Variants in MTCL3 observed in about 807,000 individuals in gnomAD.
MTCL3 encodes MTCL family member 3.
At chr6:127,490,635 G>T in the MTCL3 span, among the ~76,000 whole-genome samples, 1 of 151,874 alleles carries the variant, frequency 6.6e-6, no homozygotes, top group South Asian at 2.1e-4. Flanking sequence ...TGGCCAACAC[G>T]GTGAAACTCC....
the MTCL3 span, chr6:127,516,046 G>C: frequency 1.6e-4 from 245 of 1,550,256 alleles, no homozygotes; most frequent in Non-Finnish European, 2.1e-4. Context: ...GGGCGGCGGC[G>C]GCTGCGGAGC....
chr6:127,480,103 G>A, the MTCL3 span, among the ~76,000 whole-genome samples: 2 of 152,086 alleles, frequency 1.3e-5, no homozygotes, highest in East Asian at 3.9e-4. Flanking sequence ...TGTGAAGAGG[G>A]GAACATAAAG....
chr6:127,474,172 C>T, the MTCL3 span, among the ~76,000 whole-genome samples: 5 of 150,194 alleles, frequency 3.3e-5, no homozygotes, highest in Admixed American at 6.6e-5. Context: ...AAAAAAGTGG[C>T]TTTCATTTGT....
the MTCL3 span, among the ~76,000 whole-genome samples, chr6:127,483,798 A>C: frequency 2.6e-5 from 4 of 152,202 alleles, no homozygotes; most frequent in Non-Finnish European, 5.9e-5. Context: ...CTCTGTATGT[A>C]AACAATAATT....
the MTCL3 span, among the ~76,000 whole-genome samples, chr6:127,501,146 A>G: frequency 2.6e-5 from 4 of 152,242 alleles, no homozygotes; most frequent in African/African-American, 7.2e-5. Flanking sequence ...GATTTTGGCA[A>G]TTGGGAAAAC....
chr6:127,516,011 G>A, the MTCL3 span: 2 of 1,591,080 alleles, frequency 1.3e-6, no homozygotes, highest in South Asian at 1.1e-5. Context: ...TGCTGAGCGC[G>A]TACGCCTTTC....
the MTCL3 span, chr6:127,516,230 CG>C: frequency 1.4e-6 from 2 of 1,433,216 alleles, no homozygotes; most frequent in Non-Finnish European, 1.8e-6. Context: ...AGGGTCGCGG[CG>C]GGGGCCGCTT....
the MTCL3 span, chr6:127,516,813 A>C: frequency 2.2e-6 from 2 of 914,730 alleles, no homozygotes; most frequent in Admixed American, 3.0e-5. Context: ...GACTTTAGGA[A>C]TAGGATGCAG....
At chr6:127,516,207 G>T in the MTCL3 span, 55 of 1,432,296 alleles carry the variant, frequency 3.8e-5, no homozygotes, top group Admixed American at 5.9e-5. Context: ...GCCTCCTGCC[G>T]CCCAAAGCGG....
At chr6:127,516,582 A>G in the MTCL3 span, 1 of 1,597,512 alleles carries the variant, frequency 6.3e-7, no homozygotes, top group East Asian at 2.2e-5. Context: ...CTGCTGTGGC[A>G]GGGGCAGCGC....
chr6:127,484,639 G>A, the MTCL3 span, among the ~76,000 whole-genome samples: 1 of 152,106 alleles, frequency 6.6e-6, no homozygotes, highest in Non-Finnish European at 1.5e-5. Flanking sequence ...TAACATACCT[G>A]TGACACAATA....
At chr6:127,481,683 A>T in the MTCL3 span, among the ~76,000 whole-genome samples, 4 of 152,166 alleles carry the variant, frequency 2.6e-5, no homozygotes, top group African/African-American at 9.7e-5. Flanking sequence ...ATTCCAACTG[A>T]CATAGTTTAA....
At chr6:127,510,230 T>A in the MTCL3 span, among the ~76,000 whole-genome samples, 1 of 152,206 alleles carries the variant, frequency 6.6e-6, no homozygotes, top group Non-Finnish European at 1.5e-5. Context: ...TGACATTTGG[T>A]TTTTTGTAAC....
the MTCL3 span, chr6:127,473,243 A>G: frequency 6.8e-7 from 1 of 1,468,926 alleles, no homozygotes. Flanking sequence ...AAATAAACAA[A>G]CTGAAAATAC....
the MTCL3 span, chr6:127,518,519 C>T: frequency 2.0e-5 from 3 of 152,266 alleles, no homozygotes; most frequent in Non-Finnish European, 4.4e-5. Flanking sequence ...AAGTTTTATC[C>T]GCCTGCTAAC....
chr6:127,515,589 G>A, the MTCL3 span: 3 of 1,434,034 alleles, frequency 2.1e-6, no homozygotes, highest in Admixed American at 6.5e-5. The surrounding 1 kb of genome is among the most constrained non-coding windows in gnomAD (Gnocchi z 4.3). Context: ...GCTGCTGCGG[G>A]TGCGGCTGCG....
the MTCL3 span, among the ~76,000 whole-genome samples, chr6:127,489,669 C>T: frequency 1.3e-5 from 2 of 152,368 alleles, no homozygotes; most frequent in South Asian, 4.1e-4. Context: ...CACAACATCC[C>T]CTTAAGCCAA....
the MTCL3 span, chr6:127,516,473 T>A: frequency 6.3e-7 from 1 of 1,599,730 alleles, no homozygotes; most frequent in Admixed American, 1.7e-5. Flanking sequence ...CGCAGCGAAC[T>A]GTCCCTCGGT....
the MTCL3 span, among the ~76,000 whole-genome samples, chr6:127,473,684 T>C: frequency 1.3e-5 from 2 of 152,210 alleles, no homozygotes; most frequent in South Asian, 2.1e-4. Flanking sequence ...AAATAAGCGA[T>C]AGGGCTGCAA....
Sources: allele counts gnomAD v4.1 joint callset (sites outside exome capture counted in the v4.1 genomes callset), GRCh38; gene constraint gnomAD v4.1.1; non-coding constraint Gnocchi (gnomAD v3.1); transcripts MANE v1.5; gene names NCBI Gene and HGNC (gene_info 2026-07-23, HGNC 2026-07-21).